The following CD28 variants were observed in gnomAD, a reference collection of about 807,000 sequenced individuals.
The protein encoded by CD28 is T-cell-specific surface glycoprotein CD28.
Under a neutral mutation model 21.4 loss-of-function variants are expected in CD28, and 8 were observed. The ratio of observed to expected loss-of-function variants is 0.37; its 90% CI spans 0.22 to 0.68. The LOEUF is 0.68. Ranked by LOEUF, CD28 falls within the 30% of genes least tolerant of loss-of-function variation. The pLI is 0.55. For synonymous variants in CD28, 106 were observed against 104.0 expected (o/e 1.02, Z -0.12); for missense variants, 239 against 272.2 (o/e 0.88, Z 0.86).
At chr2:203,732,056 A>G (rs1439205256) in intron 3 of CD28, among the ~76,000 whole-genome samples, 1 of 152,204 alleles carries the variant, frequency 6.6e-6, no homozygotes, top group Non-Finnish European at 1.5e-5. Flanking sequence ...TATTTAAGCA[A>G]CAAGTACCTT....
rs929507815 is a variant in CD28, at chr2:203,736,824, T to C, written c.*1912T>C. ...GTTACAAATGTCTCTTCCTATAGTA[T>C]AATCTCCATAAGGGCATGGCCCAAG... On this transcript the variant is annotated 3_prime_UTR_variant, in exon 4 of 4. Coordinates refer to ENST00000324106, the MANE Select transcript of CD28 (RefSeq NM_006139.4). 1 of 152,226 alleles carries C rather than the reference T, an allele frequency of 6.6e-6. No homozygotes were observed. The highest frequency in any genetic ancestry group is 1.5e-5 in the Non-Finnish European group (1 of 68,046). 9.4% of individuals were successfully genotyped at this position (152,226 alleles called of 1,614,324 possible).
At chr2:203,729,185 A>G (rs1388712252) in intron 2 of CD28, among the ~76,000 whole-genome samples, 1 of 152,198 alleles carries the variant, frequency 6.6e-6, no homozygotes, top group Non-Finnish European at 1.5e-5. Context: ...CAGGGTTGGA[A>G]CTAGAAATTT....
At chr2:203,714,914 C>CTATG (rs1346619362) in intron 1 of CD28, among the ~76,000 whole-genome samples, 1 of 152,156 alleles carries the variant, frequency 6.6e-6, no homozygotes, top group Non-Finnish European at 1.5e-5. Context: ...TCCTGTTTTC[C>CTATG]TATGCAATGT....
intron 3 of CD28, among the ~76,000 whole-genome samples, chr2:203,733,774 ATGAGGACTTAAAACATG>A (rs1693957950): frequency 1.3e-5 from 2 of 152,216 alleles, no homozygotes. Context: ...GTTGAAGAAG[ATGAGGACTTAAAACATG>A]TTAGCTGTGT....
Position 203,738,323 on chromosome 2 carries a change from C to T in CD28, c.*3411C>T, listed in dbSNP as rs931419246. On this transcript the variant is annotated 3_prime_UTR_variant, in exon 4 of 4. Coordinates refer to ENST00000324106, the MANE Select transcript of CD28 (RefSeq NM_006139.4). The stretch of plus-strand genomic sequence containing the variant: ...CTGCCAGCTGGGAACTATACCAGAC[C>T]TGGATACTGATCCCAAAGTGTTAAA... 5.9e-5 allele frequency: 9 copies of T among 152,158 alleles called. No individual in the cohort carries two copies. The highest frequency in any genetic ancestry group is 1.9e-4 in the African/African-American group (8 of 41,422). 9.4% of individuals were successfully genotyped at this position (152,158 alleles called of 1,614,324 possible). A position where few individuals can be genotyped will look rare whatever the true frequency, so the allele number is the denominator to read the frequency against.
rs1273731167 is a variant in CD28 at position 203,706,758 on chromosome 2, GTTA to G, written c.52+11_52+13del. 1 of 1,581,594 alleles carries G rather than the reference GTTA, an allele frequency of 6.3e-7. No homozygotes were observed. The stretch of plus-strand genomic sequence containing the variant: ...TCAATTCAAGTAACAGGTAAACAAT[GTTA>G]ATGTCTTTCTTTCTGTAAATATTTT... On this transcript the variant is annotated intron_variant, in intron 1 of 3. Coordinates refer to ENST00000324106, the MANE Select transcript of CD28 (RefSeq NM_006139.4).
At chr2:203,726,324 T>A (rs115503745) in intron 1 of CD28, among the ~76,000 whole-genome samples, 40 of 152,346 alleles carry the variant, frequency 2.6e-4, no homozygotes, top group African/African-American at 9.6e-4. Context: ...TTAATATTAA[T>A]GTCTCAGGAA....
rs200029987 is a variant in CD28, at chr2:203,736,319, A to T, written c.*1407A>T. Reference sequence around the variant, plus strand: ...AGAATGGAGTAATGAAATTCTTGCCATGTGCTGAGGAGATAGCCAGCATTA... The same window carrying T: ...AGAATGGAGTAATGAAATTCTTGCCTTGTGCTGAGGAGATAGCCAGCATTA... On this transcript the variant is annotated 3_prime_UTR_variant, in exon 4 of 4. Coordinates refer to ENST00000324106, the MANE Select transcript of CD28 (RefSeq NM_006139.4). 6.5e-6 allele frequency: 1 copy of T among 152,680 alleles called. No individual in the cohort carries two copies. The highest frequency in any genetic ancestry group is 1.5e-5 in the Non-Finnish European group (1 of 68,068). 9.5% of individuals were successfully genotyped at this position (152,680 alleles called of 1,614,324 possible). A position where few individuals can be genotyped will look rare whatever the true frequency, so the allele number is the denominator to read the frequency against.
intron 1 of CD28, among the ~76,000 whole-genome samples, chr2:203,708,635 T>C (rs1486072498): frequency 6.6e-6 from 1 of 152,146 alleles, no homozygotes; most frequent in African/African-American, 2.4e-5. Context: ...GGTTGGAGAG[T>C]TCACACACAT....
intron 1 of CD28, among the ~76,000 whole-genome samples, chr2:203,721,412 C>T (rs1166576688): frequency 6.6e-6 from 1 of 151,844 alleles, no homozygotes; most frequent in Non-Finnish European, 1.5e-5. Flanking sequence ...AACTCATGGC[C>T]CAGCAAAAAG....
At chr2:203,713,935 G>A (rs375969595) in intron 1 of CD28, among the ~76,000 whole-genome samples, 1 of 150,718 alleles carries the variant, frequency 6.6e-6, no homozygotes, top group Non-Finnish European at 1.5e-5. Context: ...GGTAGAGAAG[G>A]GTATTATTAG....
In CD28 at chr2:203,715,969, T is replaced by G. The variant is rs1364854164; in HGVS notation, c.52+9221T>G. ...TTGGTCTCTGCCTCAGTTCTTCCCT[T>G]GCTCCAAGCCAAGGGCAGTCAAGAT... On this transcript the variant is annotated intron_variant, in intron 1 of 3. Coordinates refer to ENST00000324106, the MANE Select transcript of CD28 (RefSeq NM_006139.4). Among the ~76,000 whole-genome samples the G allele has an allele frequency of 5.3e-5, 8 of 152,180 alleles. 1 individual carries two copies. The highest frequency in any genetic ancestry group is 1.2e-4 in the Non-Finnish European group (8 of 68,032).
chr2:203,724,661 A>G (rs1461535168), intron 1 of CD28, among the ~76,000 whole-genome samples: 1 of 152,140 alleles, frequency 6.6e-6, no homozygotes, highest in Non-Finnish European at 1.5e-5. Flanking sequence ...TAGGATCACA[A>G]AGGTGTGAGC....
intron 3 of CD28, among the ~76,000 whole-genome samples, chr2:203,731,719 C>G (rs970913378): frequency 2.0e-5 from 3 of 152,204 alleles, no homozygotes; most frequent in Non-Finnish European, 4.4e-5. Flanking sequence ...TGAATTTAAA[C>G]CGTTCACTTT....
In CD28 at chr2:203,729,691, G is replaced by A. The variant is rs1339322386; in HGVS notation, c.453G>A (p.Lys151=). 6.2e-7 allele frequency: 1 copy of A among 1,613,944 alleles called. No individual in the cohort carries two copies. Among genetic ancestry groups the A allele is most frequent in the Admixed American group, 1.7e-5 (1 of 59,998 alleles). Residue 151 remains lysine, a synonymous_variant, in exon 3 of 4, where the codon AAG becomes AAA. Coordinates refer to ENST00000324106, the MANE Select transcript of CD28 (RefSeq NM_006139.4). Reference sequence around the variant, plus strand: ...GTCCCCTATTTCCCGGACCTTCTAAGCCCTTTTGGGTGCTGGTGGTGGTTG... The same window carrying A: ...GTCCCCTATTTCCCGGACCTTCTAAACCCTTTTGGGTGCTGGTGGTGGTTG... ...CPSPLFPGPS[K]PFWVLVVVGG... is the part of the protein sequence containing the mutation.
chr2:203,729,951 A>T (rs1693845978), intron 3 of CD28, among the ~76,000 whole-genome samples, 179 bp downstream of exon 3: 1 of 152,202 alleles, frequency 6.6e-6, no homozygotes, highest in Non-Finnish European at 1.5e-5. Flanking sequence ...TAAAAATCTG[A>T]TATGAGTTAG....
intron 3 of CD28, among the ~76,000 whole-genome samples, chr2:203,734,037 C>A (rs953734200): frequency 6.6e-6 from 1 of 152,184 alleles, no homozygotes; most frequent in Non-Finnish European, 1.5e-5. Context: ...AATTCTGAAT[C>A]CAGAAATCTG....
At chr2:203,708,568 C>G (rs1480073904) in intron 1 of CD28, among the ~76,000 whole-genome samples, 1 of 152,162 alleles carries the variant, frequency 6.6e-6, no homozygotes, top group Non-Finnish European at 1.5e-5. Context: ...TGGTAAGACT[C>G]AAAACTTTGT....
intron 1 of CD28, among the ~76,000 whole-genome samples, chr2:203,721,595 C>T (rs1693607182): frequency 6.6e-6 from 1 of 152,018 alleles, no homozygotes; most frequent in South Asian, 2.1e-4. Context: ...CACGTCTTAG[C>T]CAGGCTAACT....
Sources: allele counts gnomAD v4.1 joint callset (sites outside exome capture counted in the v4.1 genomes callset), GRCh38; gene constraint gnomAD v4.1.1; transcripts MANE v1.5; gene names NCBI Gene and HGNC (gene_info 2026-07-23, HGNC 2026-07-21).